The following CPXM2 variants were observed in gnomAD, a reference collection of about 807,000 sequenced individuals.
CPXM2 encodes the protein inactive carboxypeptidase-like protein X2.
A neutral mutation model predicts 86.1 loss-of-function variants in CPXM2; 66 were observed. The observed-to-expected ratio is 0.77, with a 90% CI of 0.63 to 0.94. CPXM2 has a LOEUF of 0.94. Ranked by LOEUF, CPXM2 falls within the 40% of genes least tolerant of loss-of-function variation. The probability of loss-of-function intolerance (pLI) is 0.00; values close to 1 mark genes in which losing one functional copy is unlikely to be tolerated. For missense variants in CPXM2, 948 were observed against 1,026.3 expected, an observed-to-expected ratio of 0.92 and a Z score of 1.04; for synonymous variants, 388 against 400.2, an observed-to-expected ratio of 0.97 and a Z score of 0.36.
At position 123,862,697 on chromosome 10, in the gene CPXM2, A is replaced by G. The variant is rs748856150; in HGVS notation, c.430T>C (p.Leu144=). Residue 144 remains leucine, a synonymous_variant, in exon 3 of 14, where the codon TTA becomes CTA. Coordinates refer to ENST00000241305, the MANE Select transcript of CPXM2 (RefSeq NM_198148.3). ...TGGAGCTGGAAGTCTGTGATTTTTAAGGTTTCCAGACCAAGAGGTGGGCAA... is the reference window on the plus strand; with the variant it reads ...TGGAGCTGGAAGTCTGTGATTTTTAGGGTTTCCAGACCAAGAGGTGGGCAA... The part of the protein sequence containing the change: ...ESCPPLGLET[L]KITDFQLHAS... The G allele has an allele frequency of 1.2e-6, 2 of 1,609,994 alleles. No individual in the cohort carries two copies. Among genetic ancestry groups the G allele is most frequent in the Non-Finnish European group, 8.5e-7 (1 of 1,179,412 alleles).
intron 8 of CPXM2, among the ~76,000 whole-genome samples, chr10:123,769,961 G>C (rs1287538400): frequency 5.3e-5 from 8 of 152,204 alleles, no homozygotes; most frequent in Admixed American, 5.2e-4. Context: ...TTTACCAGCA[G>C]ATAAAGTTTT....
At chr10:123,927,000 GTCC>G (rs745772526) in intron 2 of CPXM2, among the ~76,000 whole-genome samples, 7 of 152,178 alleles carry the variant, frequency 4.6e-5, no homozygotes, top group Non-Finnish European at 8.8e-5. Flanking sequence ...CCTGGGACAG[GTCC>G]TGGGACATAG....
At chr10:123,788,288 A>C (rs1341680136) in intron 6 of CPXM2, among the ~76,000 whole-genome samples, 4 of 151,834 alleles carry the variant, frequency 2.6e-5, no homozygotes, top group Non-Finnish European at 5.9e-5. Context: ...TCAAAAAAAA[A>C]AAAAAAAAAG....
At chr10:123,767,191 A>T (rs1589976050) in intron 9 of CPXM2, 39 bp from the exon 10 acceptor site, 1 of 1,584,846 alleles carries the variant, frequency 6.3e-7, no homozygotes, top group African/African-American at 1.3e-5. Flanking sequence ...CACAGGCTGC[A>T]GGACAACGCG....
intron 2 of CPXM2, among the ~76,000 whole-genome samples, chr10:123,911,492 A>G (rs545613575): frequency 1.6e-4 from 24 of 151,882 alleles, no homozygotes; most frequent in African/African-American, 3.1e-4. Context: ...AGGTTGGTGC[A>G]AAAGTAATTG....
At chr10:123,817,823 T>C (rs1306213306) in intron 4 of CPXM2, among the ~76,000 whole-genome samples, 1 of 152,136 alleles carries the variant, frequency 6.6e-6, no homozygotes, top group Non-Finnish European at 1.5e-5. Context: ...CACCCGAAAG[T>C]AGACAGCTAC....
At chr10:123,760,723 A>G (rs1053377378) in intron 11 of CPXM2, among the ~76,000 whole-genome samples, 1 of 152,176 alleles carries the variant, frequency 6.6e-6, no homozygotes, top group Non-Finnish European at 1.5e-5. Context: ...CGTCAAGCAC[A>G]TCCACATCTT....
chr10:123,794,147 T>C (rs555291614), intron 6 of CPXM2, among the ~76,000 whole-genome samples: 16 of 152,314 alleles, frequency 1.1e-4, no homozygotes, highest in African/African-American at 3.8e-4. Flanking sequence ...CCTCTGTGCT[T>C]GAGGGAGTGG....
intron 4 of CPXM2, among the ~76,000 whole-genome samples, chr10:123,828,354 C>T (rs750558510): frequency 3.3e-5 from 5 of 152,134 alleles, no homozygotes; most frequent in Admixed American, 6.5e-5. Context: ...TTGGCTGTGT[C>T]CCCACCCAAA....
chr10:123,847,021 A>G (rs1848508797), intron 3 of CPXM2, among the ~76,000 whole-genome samples: 6 of 152,230 alleles, frequency 3.9e-5, no homozygotes, highest in Admixed American at 3.9e-4. Flanking sequence ...TTCTTGGCTC[A>G]GTAAGTAGGA....
At position 123,806,504 on chromosome 10, in the gene CPXM2, T is replaced by C. The variant is rs1056370161; in HGVS notation, c.654-7305A>G. Among the ~76,000 whole-genome samples the C allele has an allele frequency of 5.2e-4, 79 of 152,200 alleles. 1 individual carries two copies. The highest frequency in any genetic ancestry group is 1.3e-4 in the Admixed American group (2 of 15,274). ...TAAAGTTATCTACATGGAGATTATA[T>C]ATTAATGTATGAATTGAGAGATGTT... On this transcript the variant is annotated intron_variant, in intron 4 of 13. Transcript: ENST00000241305.
chr10:123,905,377 G>C (rs1294392755), intron 2 of CPXM2, among the ~76,000 whole-genome samples: 1 of 152,158 alleles, frequency 6.6e-6, no homozygotes, highest in Non-Finnish European at 1.5e-5. Flanking sequence ...CAGGGACAGA[G>C]CACTGGACAA....
intron 10 of CPXM2, among the ~76,000 whole-genome samples, chr10:123,764,488 T>C (rs1014752984): frequency 1.3e-5 from 2 of 151,084 alleles, no homozygotes; most frequent in African/African-American, 4.9e-5. Flanking sequence ...TTATTTTATG[T>C]ATTATAATTT....
chr10:123,855,630 G>A (rs920808104), intron 3 of CPXM2, among the ~76,000 whole-genome samples: 2 of 152,200 alleles, frequency 1.3e-5, no homozygotes, highest in Non-Finnish European at 2.9e-5. Context: ...AACATGAGCT[G>A]TGACACAGGA....
intron 2 of CPXM2, among the ~76,000 whole-genome samples, chr10:123,929,001 G>A (rs138846937): frequency 7.1e-4 from 108 of 152,316 alleles, no homozygotes; most frequent in Non-Finnish European, 1.5e-3. Context: ...GAGCAGGGGG[G>A]CACTCCTACA....
At chr10:123,819,455 T>C (rs114341497) in intron 4 of CPXM2, among the ~76,000 whole-genome samples, 2,136 of 152,308 alleles carry the variant, frequency 0.014, 51 homozygotes, top group African/African-American at 0.05. Flanking sequence ...TCTACGACCA[T>C]GTGACCAGCT....
intron 8 of CPXM2, chr10:123,769,531 A>G (rs1004487835): frequency 6.6e-6 from 1 of 152,286 alleles, no homozygotes; most frequent in African/African-American, 2.4e-5. Context: ...GTAATGAGCC[A>G]AGACTGTGCC....
Position 123,864,576 on chromosome 10 carries a change from G to C in CPXM2, c.404-1853C>G, listed in dbSNP as rs974415648. Among the ~76,000 whole-genome samples, 3 of 152,136 alleles carry C rather than the reference G, an allele frequency of 2.0e-5. No individual in the cohort carries two copies. In the South Asian group the frequency reaches 6.2e-4, roughly 32 times the overall value. On this transcript the variant is annotated intron_variant, in intron 2 of 13. Transcript: ENST00000241305. ...CCTTCCAACCACCAGCTTCTTCCTT[G>C]GTAGCAGAAGACACAGCAGGAGGTA...
chr10:123,871,809 A>C (rs1436738548), intron 2 of CPXM2, among the ~76,000 whole-genome samples: 1 of 152,192 alleles, frequency 6.6e-6, no homozygotes. Flanking sequence ...TTCACTATGC[A>C]TGTATCTGAT....
Sources: allele counts gnomAD v4.1 joint callset (sites outside exome capture counted in the v4.1 genomes callset), GRCh38; gene constraint gnomAD v4.1.1; transcripts MANE v1.5; gene names NCBI Gene and HGNC (gene_info 2026-07-23, HGNC 2026-07-21).